The following PDE4D variants were observed in gnomAD, a reference collection of about 807,000 sequenced individuals.
The protein encoded by PDE4D is 3',5'-cyclic-AMP phosphodiesterase 4D.
A neutral mutation model predicts 87.4 loss-of-function variants in PDE4D; 24 were observed. The observed-to-expected ratio is 0.27, with a 90% CI of 0.20 to 0.39. The LOEUF is 0.39. PDE4D is among the 10% of genes least tolerant of loss of function. The pLI is 1.00. For synonymous variants in PDE4D, 384 were observed against 383.2 expected (o/e 1.00, Z -0.02); for missense variants, 714 against 1,041.0 (o/e 0.69, Z 4.32).
intron 1 of PDE4D, among the ~76,000 whole-genome samples, chr5:59,639,703 T>C (rs1741212227): frequency 6.6e-6 from 1 of 152,070 alleles, no homozygotes; most frequent in African/African-American, 2.4e-5. Context: ...ACAGTGGAAA[T>C]ATATAGCATT....
At chr5:59,427,531 T>C (rs1562168513) in intron 1 of PDE4D, among the ~76,000 whole-genome samples, 1 of 152,148 alleles carries the variant, frequency 6.6e-6, no homozygotes, top group Non-Finnish European at 1.5e-5. Context: ...TTAAATCTGA[T>C]TTTTAAATCT....
At chr5:59,015,932 T>C (rs1753858298) in intron 6 of PDE4D, among the ~76,000 whole-genome samples, 1 of 152,200 alleles carries the variant, frequency 6.6e-6, no homozygotes, top group Non-Finnish European at 1.5e-5. Flanking sequence ...CACCATGGAA[T>C]ACTATGCAGC....
At chr5:59,121,028 G>A (rs1774403248) in intron 5 of PDE4D, among the ~76,000 whole-genome samples, 2 of 152,104 alleles carry the variant, frequency 1.3e-5, no homozygotes, top group Admixed American at 6.6e-5. Flanking sequence ...AAGAATGAAA[G>A]TAGACCCCTA....
intron 1 of PDE4D, among the ~76,000 whole-genome samples, chr5:59,871,521 T>C (rs1174844622): frequency 1.3e-5 from 2 of 152,232 alleles, no homozygotes; most frequent in African/African-American, 4.8e-5. Context: ...TTTGTTATGC[T>C]ACAATAGAAA....
intron 1 of PDE4D, among the ~76,000 whole-genome samples, chr5:59,438,504 A>G (rs1797111135): frequency 1.3e-5 from 2 of 152,212 alleles, no homozygotes; most frequent in Non-Finnish European, 2.9e-5. Context: ...AGCATATTTT[A>G]CGTTTGTCGA....
At chr5:60,290,002 G>A (rs1213479832) in intron 1 of PDE4D, among the ~76,000 whole-genome samples, 4 of 152,160 alleles carry the variant, frequency 2.6e-5, no homozygotes, top group Non-Finnish European at 4.4e-5. Context: ...GTAATTTATG[G>A]ATGAGGATGA....
chr5:59,122,576 T>A (rs1392467535), intron 5 of PDE4D, among the ~76,000 whole-genome samples: 1 of 152,184 alleles, frequency 6.6e-6, no homozygotes, highest in Non-Finnish European at 1.5e-5. Flanking sequence ...AGGTGATGGA[T>A]ACCGTAAATA....
intron 1 of PDE4D, among the ~76,000 whole-genome samples, chr5:59,468,223 C>T (rs1486042702): frequency 6.6e-6 from 1 of 151,980 alleles, no homozygotes; most frequent in East Asian, 1.9e-4. Flanking sequence ...CCCCACCCTC[C>T]CCGCATCTTC....
intron 1 of PDE4D, among the ~76,000 whole-genome samples, chr5:59,629,749 C>T (rs940454200): frequency 1.3e-5 from 2 of 152,162 alleles, no homozygotes; most frequent in African/African-American, 4.8e-5. Flanking sequence ...TCATTTAATC[C>T]TCACAGCTAC....
At chr5:59,418,302 A>G (rs1432311803) in intron 1 of PDE4D, among the ~76,000 whole-genome samples, 1 of 152,100 alleles carries the variant, frequency 6.6e-6, no homozygotes, top group Non-Finnish European at 1.5e-5. Flanking sequence ...TTTATCTCCT[A>G]TCTACATGAT....
chr5:60,357,749 A>G (rs1430568022), intron 1 of PDE4D, among the ~76,000 whole-genome samples: 1 of 152,222 alleles, frequency 6.6e-6, no homozygotes, highest in Non-Finnish European at 1.5e-5. Flanking sequence ...TAGTGCATAT[A>G]GAAATATTTT....
At chr5:59,997,098 C>A (rs1342468060) in intron 2 of PDE4D, among the ~76,000 whole-genome samples, 1 of 152,056 alleles carries the variant, frequency 6.6e-6, no homozygotes, top group Admixed American at 6.6e-5. Flanking sequence ...ATTCAATTAA[C>A]CTTTTGTAAA....
chr5:60,259,720 G>T (rs1438701304), intron 1 of PDE4D, among the ~76,000 whole-genome samples: 2 of 152,024 alleles, frequency 1.3e-5, no homozygotes, highest in Admixed American at 1.3e-4. Context: ...CATCTTCCAG[G>T]TATAAGCACA....
At chr5:60,007,233 A>G (rs1425881143) in intron 2 of PDE4D, among the ~76,000 whole-genome samples, 1 of 151,988 alleles carries the variant, frequency 6.6e-6, no homozygotes, top group Non-Finnish European at 1.5e-5. Flanking sequence ...TCAGTTCTCA[A>G]TGATTTGATT....
chr5:59,233,325 A>G (rs931436468), intron 1 of PDE4D, among the ~76,000 whole-genome samples: 2 of 152,344 alleles, frequency 1.3e-5, no homozygotes, highest in South Asian at 4.1e-4. Flanking sequence ...AATTCTGTTA[A>G]AAAACAAAAA....
chr5:60,311,956 TACATA>T (rs529359042), intron 1 of PDE4D, among the ~76,000 whole-genome samples: 244 of 152,306 alleles, frequency 1.6e-3, no homozygotes, highest in Non-Finnish European at 2.9e-3. Context: ...ACAAGGGCAT[TACATA>T]ATGGTAAAGG....
intron 5 of PDE4D, among the ~76,000 whole-genome samples, chr5:59,150,435 T>C (rs1344858632): frequency 9.2e-5 from 14 of 152,166 alleles, no homozygotes; most frequent in Non-Finnish European, 1.5e-5. Context: ...GTTTCCTTCA[T>C]ATAAAATGCT....
intron 1 of PDE4D, among the ~76,000 whole-genome samples, chr5:59,845,810 G>A (rs535560846): frequency 6.6e-5 from 10 of 151,962 alleles, no homozygotes; most frequent in Non-Finnish European, 1.5e-4. Flanking sequence ...GAATAAAACT[G>A]CCTATTTATG....
intron 5 of PDE4D, chr5:59,039,471 TGAAGTGAATGAATCA>T: frequency 1.0e-6 from 1 of 986,494 alleles, no homozygotes; most frequent in Non-Finnish European, 1.2e-6. Flanking sequence ...GCACGGCACT[TGAAGTGAATGAATCA>T]GCCGCGGCCG....
Sources: gnomAD v4.1 joint callset for allele counts (sites outside exome capture counted in the v4.1 genomes callset) on GRCh38, gnomAD v4.1.1 for gene constraint, MANE v1.5 for transcripts, NCBI Gene and HGNC (gene_info 2026-07-23, HGNC 2026-07-21) for gene names.